KIF6: variants seen among roughly 807,000 people sequenced by gnomAD.
KIF6 encodes the protein kinesin family member 6.
Under a neutral mutation model 112.7 loss-of-function variants are expected in KIF6, and 106 were observed. The ratio of observed to expected loss-of-function variants is 0.94; its 90% CI spans 0.80 to 1.11. The LOEUF is 1.11. KIF6 is among the 50% of genes least tolerant of loss of function. The probability of loss-of-function intolerance (pLI) is 0.00; values close to 1 mark genes in which losing one functional copy is unlikely to be tolerated. For missense variants in KIF6, 929 were observed against 964.0 expected, an observed-to-expected ratio of 0.96 and a Z score of 0.48; for synonymous variants, 339 against 339.9, an observed-to-expected ratio of 1.00 and a Z score of 0.03.
chr6:39,346,075 T>TCC (rs1763710417), intron 20 of KIF6, among the ~76,000 whole-genome samples: 1 of 21,136 alleles, frequency 4.7e-5, no homozygotes, highest in African/African-American at 5.0e-4. Context: ...TCTCTCTCTC[T>TCC]CTCTCTCTCT....
At chr6:39,615,915 C>A (rs1783491824) in intron 5 of KIF6, among the ~76,000 whole-genome samples, 1 of 152,126 alleles carries the variant, frequency 6.6e-6, no homozygotes, top group African/African-American at 2.4e-5. Flanking sequence ...ATTAACCACA[C>A]AATAACTAAC....
At chr6:39,683,327 G>A (rs1355931269) in intron 3 of KIF6, among the ~76,000 whole-genome samples, 8 of 152,104 alleles carry the variant, frequency 5.3e-5, no homozygotes, top group South Asian at 2.1e-4. Flanking sequence ...TGATTGATTC[G>A]GGAGATACTT....
intron 22 of KIF6, among the ~76,000 whole-genome samples, chr6:39,341,708 T>C (rs1304027933): frequency 2.0e-5 from 3 of 152,224 alleles, no homozygotes; most frequent in Non-Finnish European, 4.4e-5. Context: ...TTGCCTCTGA[T>C]GGTCATGCCT....
At chr6:39,532,999 C>G (rs572812476) in intron 13 of KIF6, among the ~76,000 whole-genome samples, 28 of 152,282 alleles carry the variant, frequency 1.8e-4, no homozygotes, top group Middle Eastern at 6.8e-3. Flanking sequence ...ACTGACACAC[C>G]TTTCAAAAGC....
intron 15 of KIF6, among the ~76,000 whole-genome samples, chr6:39,390,724 T>G (rs1160043617): frequency 6.6e-6 from 1 of 152,064 alleles, no homozygotes; most frequent in East Asian, 1.9e-4. Flanking sequence ...AGAACTGGGG[T>G]GTGGGGAGAA....
chr6:39,599,201 G>C (rs1782447552), intron 6 of KIF6, among the ~76,000 whole-genome samples: 4 of 145,674 alleles, frequency 2.7e-5, no homozygotes, highest in Non-Finnish European at 3.1e-5. Context: ...TGACAAGTTA[G>C]TAGTATCATC....
chr6:39,542,594 T>C (rs1410487), intron 12 of KIF6, among the ~76,000 whole-genome samples: 70,213 of 152,114 alleles, frequency 0.46, 19,415 homozygotes, highest in African/African-American at 0.78. Context: ...TCCTCCAACC[T>C]GACTCTGAAT....
At chr6:39,415,294 T>C (rs545671938) in intron 15 of KIF6, among the ~76,000 whole-genome samples, 2 of 120,412 alleles carry the variant, frequency 1.7e-5, no homozygotes, top group East Asian at 4.8e-4. Context: ...CAGAGATTTT[T>C]AAAATGTAAA....
chr6:39,536,327 TAAAG>T (rs926199878), intron 13 of KIF6, among the ~76,000 whole-genome samples: 21 of 147,774 alleles, frequency 1.4e-4, no homozygotes, highest in Non-Finnish European at 3.2e-4. Flanking sequence ...GCAAGACTAA[TAAAG>T]AAAAAAAGAG....
intron 10 of KIF6, among the ~76,000 whole-genome samples, chr6:39,574,364 G>T: frequency 6.6e-6 from 1 of 152,036 alleles, no homozygotes; most frequent in Non-Finnish European, 1.5e-5. Flanking sequence ...AAGGATCTAG[G>T]GTGCTATCCT....
At chr6:39,511,038 T>A (rs1376849807) in intron 13 of KIF6, among the ~76,000 whole-genome samples, 1 of 152,080 alleles carries the variant, frequency 6.6e-6, no homozygotes, top group African/African-American at 2.4e-5. Context: ...ATGCACCCAA[T>A]ACAGGAGCAC....
At chr6:39,533,083 C>T (rs887326063) in intron 13 of KIF6, among the ~76,000 whole-genome samples, 7 of 152,208 alleles carry the variant, frequency 4.6e-5, no homozygotes, top group Admixed American at 6.5e-5. Context: ...GCGTGAGCGA[C>T]GCAGAAGACG....
At chr6:39,365,769 C>T (rs942068205) in intron 16 of KIF6, among the ~76,000 whole-genome samples, 6 of 152,176 alleles carry the variant, frequency 3.9e-5, no homozygotes, top group Admixed American at 3.9e-4. Flanking sequence ...CCCCACTCTG[C>T]GGTGACTGGC....
At chr6:39,526,859 C>T (rs2150535102) in intron 13 of KIF6, among the ~76,000 whole-genome samples, 1 of 152,218 alleles carries the variant, frequency 6.6e-6, no homozygotes, top group South Asian at 2.1e-4. Flanking sequence ...GTGGTCAGTT[C>T]CAAAAGAGAG....
At chr6:39,709,740 ATAACTT>A (rs1410696641) in intron 3 of KIF6, among the ~76,000 whole-genome samples, 2 of 152,230 alleles carry the variant, frequency 1.3e-5, no homozygotes, top group African/African-American at 4.8e-5. Context: ...ACCCAGTAGA[ATAACTT>A]TAAAGGGCTA....
intron 5 of KIF6, among the ~76,000 whole-genome samples, chr6:39,621,365 CTCA>C: frequency 6.6e-6 from 1 of 152,286 alleles, no homozygotes; most frequent in African/African-American, 2.4e-5. Context: ...CTTTAAGGCT[CTCA>C]TCATACCTGG....
At chr6:39,605,866 G>C (rs1005531889) in intron 6 of KIF6, among the ~76,000 whole-genome samples, 1 of 152,010 alleles carries the variant, frequency 6.6e-6, no homozygotes, top group Non-Finnish European at 1.5e-5. Context: ...AGGATGTCTT[G>C]GAATTGAGCT....
chr6:39,669,049 T>C lies in KIF6; in HGVS notation c.252-29292A>G, dbSNP rs908174367. Among the ~76,000 whole-genome samples the C allele has an allele frequency of 2.0e-5, 3 of 152,196 alleles. No homozygotes were observed. In the East Asian group the frequency reaches 5.8e-4, roughly 29 times the overall value. ...AAATAATTTTTTATTACTTAATACC[T>C]GTACAGCCATTTGATTCATGAAACA... On this transcript the variant is annotated intron_variant, in intron 3 of 22. Coordinates refer to ENST00000287152, the MANE Select transcript of KIF6 (RefSeq NM_145027.6).
At chr6:39,487,125 T>C (rs1282898944) in intron 13 of KIF6, among the ~76,000 whole-genome samples, 1 of 152,216 alleles carries the variant, frequency 6.6e-6, no homozygotes, top group Non-Finnish European at 1.5e-5. Flanking sequence ...AATTTAAAAA[T>C]AGTAATAAAT....
Sources: gnomAD v4.1 joint callset for allele counts (sites outside exome capture counted in the v4.1 genomes callset) on GRCh38, gnomAD v4.1.1 for gene constraint, MANE v1.5 for transcripts, NCBI Gene and HGNC (gene_info 2026-07-23, HGNC 2026-07-21) for gene names.